CSMD1: variants seen among roughly 807,000 people sequenced by gnomAD.
The protein encoded by CSMD1 is CUB and sushi domain-containing protein 1.
Under a neutral mutation model 417.5 loss-of-function variants are expected in CSMD1, and 213 were observed. That is an observed-to-expected ratio of 0.51 (90% CI 0.46 to 0.57). The LOEUF (loss-of-function observed/expected upper bound fraction) is 0.57, where lower values mean the gene tolerates loss of function less well. Among genes scored for constraint, CSMD1 ranks in the 20% least tolerant of loss-of-function variants. The probability of loss-of-function intolerance (pLI) is 0.00; values close to 1 mark genes in which losing one functional copy is unlikely to be tolerated. For missense variants in CSMD1, 6,923 were observed against 4,529.7 expected (o/e 1.53, Z -15.17); for synonymous variants, 2,862 against 1,736.8 (o/e 1.65, Z -16.11).
chr8:4,851,780 T>C (rs999564100), intron 1 of CSMD1, among the ~76,000 whole-genome samples: 1 of 152,330 alleles, frequency 6.6e-6, no homozygotes. Flanking sequence ...AACGTACTTT[T>C]AAGTCACCCT....
At chr8:4,232,210 T>A (rs1389882956) in intron 3 of CSMD1, among the ~76,000 whole-genome samples, 2 of 152,208 alleles carry the variant, frequency 1.3e-5, no homozygotes, top group African/African-American at 4.8e-5. Context: ...TTTTATTTAT[T>A]TTTAAGACAG....
chr8:3,436,704 C>T (rs899744399), intron 12 of CSMD1, among the ~76,000 whole-genome samples: 40 of 152,112 alleles, frequency 2.6e-4, no homozygotes, highest in African/African-American at 9.4e-4. Context: ...CTTAGAAACG[C>T]TTTCTGAGTA....
chr8:4,029,424 C>G (rs3909677), intron 4 of CSMD1, among the ~76,000 whole-genome samples: 1 of 152,082 alleles, frequency 6.6e-6, no homozygotes, highest in Non-Finnish European at 1.5e-5. Flanking sequence ...GACCTAGCCA[C>G]GTCTTATATG....
rs139630697 is a variant in CSMD1, at chr8:3,760,226, G to A, written c.819-6184C>T. ...CACAAAGCCATTCAGTGGGAATGTT[G>A]GACAGCTCCTTTAGAGATGGCAAAA... On this transcript the variant is annotated intron_variant, in intron 5 of 69. Coordinates refer to ENST00000635120, the MANE Select transcript of CSMD1 (RefSeq NM_033225.6). 6.6e-5 allele frequency among the ~76,000 whole-genome samples: 10 copies of A among 152,236 alleles called. No homozygotes were observed. The East Asian group carries it at 1.7e-3, about 27-fold the overall frequency.
At chr8:4,871,379 C>G (rs1802730924) in intron 1 of CSMD1, among the ~76,000 whole-genome samples, 1 of 152,030 alleles carries the variant, frequency 6.6e-6, no homozygotes, top group African/African-American at 2.4e-5. Flanking sequence ...CAAAGCCCAA[C>G]AGGTATTTTC....
intron 5 of CSMD1, among the ~76,000 whole-genome samples, chr8:3,804,948 C>G (rs1164171031): frequency 1.3e-5 from 2 of 152,146 alleles, no homozygotes; most frequent in South Asian, 2.1e-4. Flanking sequence ...AATGACTTCT[C>G]CACCTCTGTG....
At chr8:4,065,470 A>T (rs1752620935) in intron 3 of CSMD1, among the ~76,000 whole-genome samples, 1 of 152,246 alleles carries the variant, frequency 6.6e-6, no homozygotes, top group Non-Finnish European at 1.5e-5. Context: ...CTTTTACTGA[A>T]TGTACATTAG....
chr8:3,816,839 G>C (rs774825279), intron 5 of CSMD1, among the ~76,000 whole-genome samples: 1 of 152,014 alleles, frequency 6.6e-6, no homozygotes. Flanking sequence ...GTGTCTACTA[G>C]GGGTTTGGAA....
intron 3 of CSMD1, among the ~76,000 whole-genome samples, chr8:4,174,076 T>C: frequency 6.6e-6 from 1 of 152,192 alleles, no homozygotes; most frequent in South Asian, 2.1e-4. Flanking sequence ...CTGCTTATGA[T>C]CCAATCAACA....
At chr8:3,756,643 C>T (rs1395179676) in intron 5 of CSMD1, among the ~76,000 whole-genome samples, 1 of 152,152 alleles carries the variant, frequency 6.6e-6, no homozygotes, top group Non-Finnish European at 1.5e-5. Flanking sequence ...TGATAGAAGA[C>T]TATGAATACA....
At chr8:3,490,930 G>A (rs1199496250) in intron 11 of CSMD1, among the ~76,000 whole-genome samples, 2 of 152,088 alleles carry the variant, frequency 1.3e-5, no homozygotes, top group Admixed American at 6.6e-5. Context: ...TGGCAAGGGT[G>A]CAGAAAAATA....
At chr8:3,687,725 G>A (rs1052198255) in intron 7 of CSMD1, among the ~76,000 whole-genome samples, 13 of 152,252 alleles carry the variant, frequency 8.5e-5, no homozygotes, top group African/African-American at 2.4e-4. Context: ...TTGGAAGCAC[G>A]CTGCTATCTT....
At chr8:4,668,594 C>T (rs963401727) in intron 1 of CSMD1, among the ~76,000 whole-genome samples, 1 of 151,712 alleles carries the variant, frequency 6.6e-6, no homozygotes, top group African/African-American at 2.4e-5. Flanking sequence ...GGAATACAGG[C>T]GTCCGCCACC....
chr8:4,057,057 G>A (rs1585221191), intron 3 of CSMD1, among the ~76,000 whole-genome samples: 1 of 152,288 alleles, frequency 6.6e-6, no homozygotes, highest in East Asian at 1.9e-4. Flanking sequence ...ACCCAGTAAT[G>A]GGATGCCTGG....
intron 54 of CSMD1, among the ~76,000 whole-genome samples, chr8:2,991,694 A>G (rs901449602): frequency 2.6e-5 from 4 of 152,252 alleles, no homozygotes; most frequent in African/African-American, 9.6e-5. Flanking sequence ...GAGTCACTGA[A>G]GTATTCAAAC....
At chr8:3,662,534 A>C (rs1337541173) in intron 7 of CSMD1, among the ~76,000 whole-genome samples, 2 of 152,196 alleles carry the variant, frequency 1.3e-5, no homozygotes, top group African/African-American at 4.8e-5. Context: ...GAATGACTTA[A>C]AATCCTTTTG....
chr8:4,139,206 A>C lies in CSMD1; in HGVS notation c.416-107107T>G, dbSNP rs560177782. On this transcript the variant is annotated intron_variant, in intron 3 of 69. Transcript: ENST00000635120. Reference sequence around the variant, plus strand: ...GTTTCAGTTTCAGTATCTTCCTGGAAAATAAGAGTGTCCTAGTGGTGCTTT... The same window carrying C: ...GTTTCAGTTTCAGTATCTTCCTGGACAATAAGAGTGTCCTAGTGGTGCTTT... Among the ~76,000 whole-genome samples the C allele has an allele frequency of 6.6e-5, 10 of 152,340 alleles. No homozygotes were observed. In the East Asian group the frequency reaches 1.7e-3, roughly 26 times the overall value.
intron 2 of CSMD1, among the ~76,000 whole-genome samples, chr8:4,431,579 C>T (rs980588873): frequency 6.6e-6 from 1 of 152,106 alleles, no homozygotes; most frequent in Non-Finnish European, 1.5e-5. Context: ...CAAAACTTTG[C>T]TCTGAGGCTA....
At chr8:4,087,702 C>G (rs1800492145) in intron 3 of CSMD1, among the ~76,000 whole-genome samples, 1 of 152,146 alleles carries the variant, frequency 6.6e-6, no homozygotes, top group African/African-American at 2.4e-5. Context: ...TGCCTGGCAT[C>G]CTGCCTCCCA....
Sources: gnomAD v4.1 joint callset for allele counts (sites outside exome capture counted in the v4.1 genomes callset) on GRCh38, gnomAD v4.1.1 for gene constraint, MANE v1.5 for transcripts, NCBI Gene and HGNC (gene_info 2026-07-23, HGNC 2026-07-21) for gene names.